ZZEF1: variants seen among roughly 807,000 people sequenced by gnomAD.
The protein encoded by ZZEF1 is zinc finger ZZ-type and EF-hand domain-containing protein 1.
ZZEF1 carries 157 observed loss-of-function variants against 342.8 expected under a neutral mutation model. That is an observed-to-expected ratio of 0.46 (90% CI 0.40 to 0.52). The LOEUF (loss-of-function observed/expected upper bound fraction) is 0.52. ZZEF1 is among the 20% of genes least tolerant of loss of function. The pLI is 0.00. For missense variants in ZZEF1, 3,480 were observed against 3,725.6 expected, an observed-to-expected ratio of 0.93 and a Z score of 1.72; for synonymous variants, 1,505 against 1,429.1, an observed-to-expected ratio of 1.05 and a Z score of -1.20.
At chr17:4,141,364 C>G (rs1156384448) in intron 1 of ZZEF1, among the ~76,000 whole-genome samples, 4 of 152,206 alleles carry the variant, frequency 2.6e-5, no homozygotes, top group Non-Finnish European at 5.9e-5. Flanking sequence ...CTTTTAAAGG[C>G]ACTGCAAGTA....
At chr17:4,093,062 A>C (rs188743339) in intron 11 of ZZEF1, among the ~76,000 whole-genome samples, 1 of 152,298 alleles carries the variant, frequency 6.6e-6, no homozygotes, top group East Asian at 1.9e-4. Flanking sequence ...ATCACGATTT[A>C]AGAGTCATTC....
Position 4,018,631 on chromosome 17 carries a change from C to T in ZZEF1, c.7506-660G>A, listed in dbSNP as rs373694078. Reference sequence around the variant, plus strand: ...CAGCCTGGTGTTTGCCTTATTTGAACGCAGTCTGAACAGGTGGACGACTCT... The same window carrying T: ...CAGCCTGGTGTTTGCCTTATTTGAATGCAGTCTGAACAGGTGGACGACTCT... On this transcript the variant is annotated intron_variant, in intron 46 of 54. Transcript: ENST00000381638. Among the ~76,000 whole-genome samples, 15 of 152,246 alleles carry T rather than the reference C, an allele frequency of 9.9e-5. 1 individual carries two copies. The South Asian group carries it at 2.1e-3, about 21-fold the overall frequency.
intron 42 of ZZEF1, among the ~76,000 whole-genome samples, chr17:4,028,839 C>T (rs568751784): frequency 6.6e-6 from 1 of 152,172 alleles, no homozygotes; most frequent in Non-Finnish European, 1.5e-5. Flanking sequence ...ATTTTGCTAT[C>T]TGTGGGGAGT....
In ZZEF1 at chr17:4,006,980, GA is replaced by G; in HGVS notation, c.8806-11del. The stretch of plus-strand genomic sequence containing the variant: ...CAATGTTCTGCAGAGCCTGTAGAGG[GA>G]AAAAGAGTTGTCGCCAATGTCGGGA... On this transcript the variant is annotated splice_polypyrimidine_tract_variant and intron_variant, in intron 54 of 54. Coordinates refer to ENST00000381638, the MANE Select transcript of ZZEF1 (RefSeq NM_015113.4). 3 of 1,576,882 alleles carry G rather than the reference GA, an allele frequency of 1.9e-6. No individual in the cohort carries two copies. The highest frequency in any genetic ancestry group is 8.6e-7 in the Non-Finnish European group (1 of 1,160,262).
intron 49 of ZZEF1, among the ~76,000 whole-genome samples, chr17:4,015,504 C>T (rs1472584557): frequency 5.9e-5 from 9 of 152,238 alleles, no homozygotes. Flanking sequence ...GTGGCTCACG[C>T]CTGTAATCCC....
chr17:4,057,871 G>T, intron 32 of ZZEF1, 123 bp downstream of exon 32: 1 of 1,012,326 alleles, frequency 9.9e-7, no homozygotes, highest in Non-Finnish European at 1.4e-6. Flanking sequence ...GCTAGGATGT[G>T]GCAAAGCCAA....
chr17:4,029,583 C>G (rs2056492014), intron 42 of ZZEF1, among the ~76,000 whole-genome samples: 1 of 151,998 alleles, frequency 6.6e-6, no homozygotes, highest in African/African-American at 2.4e-5. Flanking sequence ...GAAGAAAGGT[C>G]TCAAATCAGT....
At chr17:4,106,202 T>C (rs1227761874) in intron 6 of ZZEF1, among the ~76,000 whole-genome samples, 1 of 152,198 alleles carries the variant, frequency 6.6e-6, no homozygotes, top group East Asian at 1.9e-4. Flanking sequence ...TACCTCGTCC[T>C]CCCACAGTGC....
chr17:4,023,557 T>C (rs1289513440), intron 43 of ZZEF1, among the ~76,000 whole-genome samples: 1 of 148,198 alleles, frequency 6.7e-6, no homozygotes, highest in Non-Finnish European at 1.5e-5. Flanking sequence ...CCATGGCTCA[T>C]GCCTGTAACC....
intron 1 of ZZEF1, among the ~76,000 whole-genome samples, chr17:4,129,062 C>T (rs9908232): frequency 0.15 from 23,528 of 151,908 alleles, 2,003 homozygotes; most frequent in African/African-American, 0.22. Context: ...CCACCGCACC[C>T]GGCCCAAAAA....
At chr17:4,033,877 A>G (rs2056603177) in intron 40 of ZZEF1, 138 bp downstream of exon 40, 2 of 1,196,452 alleles carry the variant, frequency 1.7e-6, no homozygotes, top group Non-Finnish European at 2.4e-6. Context: ...CATGAACCTA[A>G]TTCTATTTCC....
At chr17:4,123,395 G>C (rs944028114) in intron 2 of ZZEF1, among the ~76,000 whole-genome samples, 11 of 147,636 alleles carry the variant, frequency 7.5e-5, no homozygotes, top group Non-Finnish European at 1.0e-4. Flanking sequence ...CTCCCGCATG[G>C]GTAAGGAGGG....
At chr17:4,077,824 A>C in intron 19 of ZZEF1, 59 bp downstream of exon 19, 1 of 1,569,414 alleles carries the variant, frequency 6.4e-7, no homozygotes, top group Non-Finnish European at 8.7e-7. Flanking sequence ...AAAGAAGAGA[A>C]CACTCAGAGT....
chr17:4,100,157 T>C (rs1274176918), intron 9 of ZZEF1, among the ~76,000 whole-genome samples: 3 of 152,146 alleles, frequency 2.0e-5, no homozygotes, highest in Admixed American at 1.3e-4. Flanking sequence ...CGTGTACCCA[T>C]GAGAAGAGCT....
intron 17 of ZZEF1, 95 bp from the exon 18 acceptor site, chr17:4,081,585 A>G (rs2057725151): frequency 9.4e-7 from 1 of 1,061,310 alleles, no homozygotes; most frequent in South Asian, 1.5e-5. Context: ...GAAAGGTTTC[A>G]GTGTCATTTC....
rs145808707 is a variant in ZZEF1, at chr17:4,064,756, G to A, written c.4323C>T (p.Cys1441=). ...TTTCATCAGCAGTCTCCAACTTTTC[G>A]CAGCTTTCTTTTGAACTTATGCCCG... ...LPTGISSKES[C]EKLETADETS... Residue 1441 remains cysteine, a synonymous_variant, in exon 29 of 55, where the codon TGC becomes TGT. Coordinates refer to ENST00000381638, the MANE Select transcript of ZZEF1 (RefSeq NM_015113.4). 7.6e-5 allele frequency: 123 copies of A among 1,613,330 alleles called. No homozygotes were observed. The highest frequency in any genetic ancestry group is 9.5e-5 in the Non-Finnish European group (112 of 1,179,960).
At position 4,005,861 on chromosome 17, in the gene ZZEF1, T is replaced by G. The variant is rs1226447400; in HGVS notation, c.*1029A>C. 1 of 152,132 alleles carries G rather than the reference T, an allele frequency of 6.6e-6. No individual in the cohort carries two copies. Among genetic ancestry groups the G allele is most frequent in the East Asian group, 1.9e-4 (1 of 5,166 alleles). The allele number at this position is 152,132 out of a possible 1,614,324, so 9.4% of individuals were successfully genotyped here. A position where few individuals can be genotyped will look rare whatever the true frequency, so the allele number is the denominator to read the frequency against. On this transcript the variant is annotated 3_prime_UTR_variant, in exon 55 of 55. Transcript: ENST00000381638. ...CCCAAGCGTGGCTCTGGAGGGAGAA[T>G]CATCATCGGCACTCCAGGGCAAGAC...
intron 1 of ZZEF1, among the ~76,000 whole-genome samples, chr17:4,136,939 T>C (rs2058758419): frequency 6.6e-6 from 1 of 152,060 alleles, no homozygotes; most frequent in South Asian, 2.1e-4. Context: ...TGCTTCTCTG[T>C]GGTCCCTGAA....
chr17:4,085,698 G>C lies in ZZEF1; in HGVS notation c.2618C>G (p.Thr873Ser). 1 of 1,614,154 alleles carries C rather than the reference G, an allele frequency of 6.2e-7. No homozygotes were observed. The highest frequency in any genetic ancestry group is 8.5e-7 in the Non-Finnish European group (1 of 1,180,002). Residue 873 changes from threonine (T) to serine (S), a missense_variant, in exon 16 of 55, where the codon ACC becomes AGC. Thr to Ser is a moderately conservative substitution (Grantham distance 58, BLOSUM62 1). Coordinates refer to ENST00000381638, the MANE Select transcript of ZZEF1 (RefSeq NM_015113.4). Reference protein sequence around the residue: ...GAAIFFPNRQTRRNHLFTMMN... With the variant: ...GAAIFFPNRQSRRNHLFTMMN... ...CATGGTGAAGAGATGGTTCCGTCGG[G>C]TCTGTCGATTAGGAAAGAAGATGGC... is the stretch of plus-strand genomic sequence containing the variant.
Sources: gnomAD v4.1 joint callset for allele counts (sites outside exome capture counted in the v4.1 genomes callset) on GRCh38, gnomAD v4.1.1 for gene constraint, MANE v1.5 for transcripts, NCBI Gene and HGNC (gene_info 2026-07-23, HGNC 2026-07-21) for gene names.